TMC1: variants seen among roughly 807,000 people sequenced by gnomAD.
TMC1 encodes the protein transmembrane channel-like protein 1.
Under a neutral mutation model 105.8 loss-of-function variants are expected in TMC1, and 84 were observed. The observed-to-expected ratio is 0.79, with a 90% CI of 0.67 to 0.95. TMC1 has a LOEUF of 0.95. Ranked by LOEUF, TMC1 falls within the 40% of genes least tolerant of loss-of-function variation. The probability of loss-of-function intolerance (pLI) is 0.00; values close to 1 mark genes in which losing one functional copy is unlikely to be tolerated. For missense variants in TMC1, 817 were observed against 914.1 expected (o/e 0.89, Z 1.37); for synonymous variants, 315 against 311.5 (o/e 1.01, Z -0.12).
At chr9:72,580,159 A>C (rs1824452214) in intron 2 of TMC1, among the ~76,000 whole-genome samples, 1 of 152,186 alleles carries the variant, frequency 6.6e-6, no homozygotes, top group African/African-American at 2.4e-5. Flanking sequence ...GTACTGAATC[A>C]GTTTCTTCAG....
intron 1 of TMC1, among the ~76,000 whole-genome samples, 176 bp downstream of exon 1, chr9:72,522,089 G>A (rs1823321792): frequency 6.6e-6 from 1 of 151,868 alleles, no homozygotes; most frequent in South Asian, 2.1e-4. Context: ...AGTTAGGATA[G>A]TCCCAGTTTC....
At chr9:72,607,415 C>T (rs888126794) in intron 2 of TMC1, among the ~76,000 whole-genome samples, 16 of 147,902 alleles carry the variant, frequency 1.1e-4, no homozygotes, top group Non-Finnish European at 2.2e-4. Context: ...GTCAGAAGAT[C>T]GAGACCATCC....
chr9:72,827,099 G>C, intron 21 of TMC1, 105 bp downstream of exon 21: 1 of 1,465,886 alleles, frequency 6.8e-7, no homozygotes, highest in Non-Finnish European at 9.5e-7. Flanking sequence ...GGGTTCTGCT[G>C]TAACCTATCC....
chr9:72,649,799 T>A (rs1344314654), intron 5 of TMC1, among the ~76,000 whole-genome samples: 1 of 152,192 alleles, frequency 6.6e-6, no homozygotes, highest in Non-Finnish European at 1.5e-5. Flanking sequence ...TTAGCATTTT[T>A]CTCAACCCTG....
At chr9:72,623,849 C>T (rs898545232) in intron 3 of TMC1, among the ~76,000 whole-genome samples, 1 of 152,166 alleles carries the variant, frequency 6.6e-6, no homozygotes, top group African/African-American at 2.4e-5. Flanking sequence ...GATAAATGTG[C>T]ACCATGGTGA....
intron 5 of TMC1, among the ~76,000 whole-genome samples, chr9:72,665,650 A>T (rs1354150367): frequency 2.0e-5 from 3 of 152,230 alleles, no homozygotes; most frequent in African/African-American, 4.8e-5. Flanking sequence ...ACAACTGGTG[A>T]CTCAGGCTCT....
At chr9:72,639,860 T>C (rs1825595925) in intron 4 of TMC1, among the ~76,000 whole-genome samples, 1 of 152,222 alleles carries the variant, frequency 6.6e-6, no homozygotes, top group Non-Finnish European at 1.5e-5. Context: ...ATAGCTTTTT[T>C]CGTTGTTCAT....
chr9:72,539,099 T>TG (rs34385947), intron 1 of TMC1, among the ~76,000 whole-genome samples: 79,264 of 151,478 alleles, frequency 0.52, 21,647 homozygotes, highest in African/African-American at 0.69. Flanking sequence ...TTTCTTCTGC[T>TG]GCTGGGCATG....
chr9:72,720,707 G>A (rs1827007551), intron 8 of TMC1, among the ~76,000 whole-genome samples: 1 of 152,216 alleles, frequency 6.6e-6, no homozygotes, highest in African/African-American at 2.4e-5. Flanking sequence ...CAAACTGGAT[G>A]ACACCAATGG....
intron 2 of TMC1, among the ~76,000 whole-genome samples, chr9:72,604,739 A>T (rs1304152719): frequency 6.6e-6 from 1 of 152,226 alleles, no homozygotes; most frequent in Non-Finnish European, 1.5e-5. Flanking sequence ...TAGGTGAAGC[A>T]TGTTGGTTTA....
intron 7 of TMC1, among the ~76,000 whole-genome samples, chr9:72,698,641 A>ATTG (rs1826590902): frequency 6.6e-6 from 1 of 152,234 alleles, no homozygotes; most frequent in Non-Finnish European, 1.5e-5. Flanking sequence ...AGAACACTAA[A>ATTG]GTATCATAGT....
chr9:72,725,335 A>G (rs1485349696), intron 8 of TMC1, among the ~76,000 whole-genome samples: 1,317 of 99,140 alleles, frequency 0.013, 43 homozygotes, highest in African/African-American at 0.052. Context: ...GTATATATAT[A>G]TATATATATA....
At chr9:72,590,759 A>G (rs1030376924) in intron 2 of TMC1, among the ~76,000 whole-genome samples, 12 of 152,206 alleles carry the variant, frequency 7.9e-5, no homozygotes, top group African/African-American at 2.7e-4. Context: ...GTGTGACAGT[A>G]TCTAACAGGT....
intron 1 of TMC1, among the ~76,000 whole-genome samples, chr9:72,558,272 A>G (rs998838982): frequency 2.0e-5 from 3 of 151,960 alleles, no homozygotes; most frequent in Non-Finnish European, 4.4e-5. Flanking sequence ...ATTCCCAATC[A>G]CTCTCCTTAC....
At chr9:72,731,647 C>T (rs1359008906) in intron 8 of TMC1, among the ~76,000 whole-genome samples, 1 of 152,146 alleles carries the variant, frequency 6.6e-6, no homozygotes, top group Non-Finnish European at 1.5e-5. Flanking sequence ...TACTCTGGAT[C>T]CTTACTAATA....
intron 13 of TMC1, among the ~76,000 whole-genome samples, chr9:72,781,888 G>C (rs1828099253): frequency 6.6e-6 from 1 of 152,180 alleles, no homozygotes; most frequent in East Asian, 1.9e-4. Context: ...GATGTATAAA[G>C]AAGAGTTGGT....
At chr9:72,574,934 G>A (rs1040608313) in intron 1 of TMC1, among the ~76,000 whole-genome samples, 4 of 152,270 alleles carry the variant, frequency 2.6e-5, no homozygotes, top group African/African-American at 9.6e-5. Context: ...ACCAGAGCTA[G>A]TACAGTGCCC....
chr9:72,718,597 A>G (rs974261576), intron 8 of TMC1, among the ~76,000 whole-genome samples: 4 of 152,200 alleles, frequency 2.6e-5, no homozygotes, highest in African/African-American at 7.2e-5. Context: ...CATCTGGTCC[A>G]GTGGAGGTGG....
At chr9:72,573,025 T>C (rs1369958515) in intron 1 of TMC1, among the ~76,000 whole-genome samples, 1 of 152,116 alleles carries the variant, frequency 6.6e-6, no homozygotes, top group African/African-American at 2.4e-5. Context: ...TTGTCAATAT[T>C]GTTGGTTATG....
Sources: gnomAD v4.1 joint callset for allele counts (sites outside exome capture counted in the v4.1 genomes callset) on GRCh38, gnomAD v4.1.1 for gene constraint, MANE v1.5 for transcripts, NCBI Gene and HGNC (gene_info 2026-07-23, HGNC 2026-07-21) for gene names.